Variants in MAP3K7CL observed in about 807,000 individuals in gnomAD.
MAP3K7CL encodes MAP3K7 C-terminal like, also known as MAP3K7 C-terminal-like protein.
In MAP3K7CL, 16 loss-of-function variants were observed where a neutral mutation model predicts 18.6. The observed-to-expected ratio is 0.86, with a 90% confidence interval of 0.58 to 1.31. MAP3K7CL has a LOEUF of 1.31. MAP3K7CL is among the 50% of genes most tolerant of loss of function. MAP3K7CL has a pLI of 0.00. For synonymous variants in MAP3K7CL, 65 were observed against 66.8 expected (o/e 0.97, Z 0.13); for missense variants, 163 against 174.4 (o/e 0.93, Z 0.37).
intron 4 of MAP3K7CL, among the ~76,000 whole-genome samples, chr21:29,112,796 C>A (rs1209671392): frequency 1.3e-5 from 2 of 152,076 alleles, no homozygotes; most frequent in Admixed American, 1.3e-4. Flanking sequence ...GCCTTTCCTC[C>A]CAGCAAACGA....
At chr21:29,125,530 C>T (rs1199530411) in intron 4 of MAP3K7CL, among the ~76,000 whole-genome samples, 1 of 152,172 alleles carries the variant, frequency 6.6e-6, no homozygotes, top group African/African-American at 2.4e-5. Flanking sequence ...AAGTGGCTCC[C>T]AGTTACCCTT....
chr21:29,161,937 A>G (rs1018094383), intron 4 of MAP3K7CL, among the ~76,000 whole-genome samples: 1 of 152,132 alleles, frequency 6.6e-6, no homozygotes, highest in African/African-American at 2.4e-5. Flanking sequence ...TTGTATCTAG[A>G]CTTTTGGCTA....
intron 4 of MAP3K7CL, among the ~76,000 whole-genome samples, chr21:29,121,055 GAT>G (rs59327000): frequency 8.3e-6 from 1 of 121,080 alleles, no homozygotes; most frequent in Non-Finnish European, 1.8e-5. Flanking sequence ...AACAGAGTCA[GAT>G]ATATATATAT....
upstream of MAP3K7CL, chr21:29,130,573 A>G (rs2086759942): frequency 2.0e-6 from 2 of 984,966 alleles, no homozygotes; most frequent in Non-Finnish European, 2.4e-6. Context: ...TGGACTCCCC[A>G]CAACTTGCTG....
upstream of MAP3K7CL, among the ~76,000 whole-genome samples, chr21:29,082,901 CTTAAA>C (rs145841813): frequency 0.012 from 1,874 of 151,948 alleles, 19 homozygotes; most frequent in Non-Finnish European, 0.018. Context: ...AGCAATATTA[CTTAAA>C]TTAAGGTGTC....
intron 4 of MAP3K7CL, among the ~76,000 whole-genome samples, chr21:29,101,030 T>A (rs1411430579): frequency 9.9e-5 from 15 of 151,260 alleles, no homozygotes; most frequent in African/African-American, 3.4e-4. Context: ...TTTTTTTTTT[T>A]AATTAGTCTG....
At chr21:29,139,563 A>G (rs1230848759) in intron 2 of MAP3K7CL, among the ~76,000 whole-genome samples, 1 of 152,106 alleles carries the variant, frequency 6.6e-6, no homozygotes, top group East Asian at 1.9e-4. Flanking sequence ...CTATAAATGA[A>G]TATTGAGTTT....
At position 29,117,701 on chromosome 21, in the gene MAP3K7CL, A is replaced by T. The variant is rs2086525392; in HGVS notation, c.370+25120A>T. On this transcript the variant is annotated intron_variant, in intron 4 of 6. Transcript: ENST00000286791. ...CTACTATTTTAGGATGTGATGGCTTAATTTGAAAAATGTTTTTATGAACAA... is the reference window on the plus strand; with the variant it reads ...CTACTATTTTAGGATGTGATGGCTTTATTTGAAAAATGTTTTTATGAACAA... 4.6e-5 allele frequency among the ~76,000 whole-genome samples: 7 copies of T among 152,366 alleles called. No homozygotes were observed. In the South Asian group the frequency reaches 1.2e-3, roughly 27 times the overall value.
chr21:29,150,506 A>G lies in MAP3K7CL; in HGVS notation c.132+1256A>G, dbSNP rs184859839. On this transcript the variant is annotated intron_variant, in intron 3 of 4. Transcript: ENST00000399928. ...CTCAACAGAGCATTATCAGTTATGT[A>G]GGTATTACTGAAAATTGTATAGGAG... 3.1e-4 allele frequency among the ~76,000 whole-genome samples: 47 copies of G among 152,258 alleles called. No individual in the cohort carries two copies. The Middle Eastern group carries it at 0.014, about 44-fold the overall frequency.
intron 4 of MAP3K7CL, among the ~76,000 whole-genome samples, chr21:29,125,531 A>C (rs1175671958): frequency 6.6e-6 from 1 of 152,220 alleles, no homozygotes; most frequent in Non-Finnish European, 1.5e-5. Context: ...AGTGGCTCCC[A>C]GTTACCCTTA....
chr21:29,142,540 C>T (rs1214015480), intron 2 of MAP3K7CL, among the ~76,000 whole-genome samples: 2 of 152,106 alleles, frequency 1.3e-5, no homozygotes, highest in Non-Finnish European at 2.9e-5. Context: ...GAATAATTCC[C>T]CACCTCAGAA....
intron 4 of MAP3K7CL, among the ~76,000 whole-genome samples, chr21:29,112,804 C>T (rs190588746): frequency 5.9e-5 from 9 of 152,104 alleles, no homozygotes; most frequent in South Asian, 4.2e-4. Context: ...TCCCAGCAAA[C>T]GAGACCTTTG....
Position 29,091,427 on chromosome 21 carries a change from T to C in MAP3K7CL, c.58-74T>C, listed in dbSNP as rs533140481. ...TCACAAAATGAGGTATAGCTCTTAA[T>C]AAAAGTCCTTCAATTTTATTTTCCT... On this transcript the variant is annotated intron_variant, in intron 1 of 6. Transcript: ENST00000286791. 3.4e-5 allele frequency: 21 copies of C among 617,440 alleles called. No homozygotes were observed. The African/African-American group carries it at 3.5e-4, about 10-fold the overall frequency. The allele number at this position is 617,440 out of a possible 1,614,324, so 38.2% of individuals were successfully genotyped here.
At chr21:29,168,591 C>T (rs146940622) in intron 4 of MAP3K7CL, among the ~76,000 whole-genome samples, 1,822 of 152,226 alleles carry the variant, frequency 0.012, 18 homozygotes, top group Middle Eastern at 0.051. Context: ...GTATTTTACA[C>T]CACATAATTA....
Position 29,098,940 on chromosome 21 carries a change from T to C in MAP3K7CL, c.370+6359T>C, listed in dbSNP as rs549009065. ...GTGAAGTTGAAGGTCTCTATTCTTT[T>C]AATTCTCAAAGATGCCAAAGTGGCA... On this transcript the variant is annotated intron_variant, in intron 4 of 6. Coordinates refer to the MAP3K7CL transcript ENST00000286791. Among the ~76,000 whole-genome samples the C allele has an allele frequency of 4.6e-5, 7 of 152,330 alleles. No homozygotes were observed. The East Asian group carries it at 1.3e-3, about 29-fold the overall frequency.
chr21:29,107,949 GT>G (rs1568939906), intron 4 of MAP3K7CL, among the ~76,000 whole-genome samples: 1 of 152,128 alleles, frequency 6.6e-6, no homozygotes, highest in African/African-American at 2.4e-5. Context: ...GTAAACTGAA[GT>G]TCAGAAATGT....
chr21:29,168,292 T>C (rs2087741582), intron 4 of MAP3K7CL, among the ~76,000 whole-genome samples: 1 of 152,148 alleles, frequency 6.6e-6, no homozygotes, highest in Admixed American at 6.5e-5. Context: ...GGGTAAGATA[T>C]GAGATTTGAG....
Position 29,123,048 on chromosome 21 carries a change from AAATGATCT to A in MAP3K7CL, c.371-26140_371-26133del, listed in dbSNP as rs776618663. On this transcript the variant is annotated intron_variant, in intron 4 of 6. Coordinates refer to the MAP3K7CL transcript ENST00000286791. Reference sequence around the variant, plus strand: ...CAAAATGAAGTCAATACTGGAGAAGAAATGATCTTTTTTTTTTTTTTTTTTTTTTTTGA... The same window carrying A: ...CAAAATGAAGTCAATACTGGAGAAGATTTTTTTTTTTTTTTTTTTTTTTGA... 3.4e-3 allele frequency among the ~76,000 whole-genome samples: 261 copies of A among 76,510 alleles called. 4 individuals are homozygous for A. The East Asian group carries it at 0.045, about 13-fold the overall frequency. 50.2% of individuals were successfully genotyped at this position (76,510 alleles called of 152,430 possible). A position where few individuals can be genotyped will look rare whatever the true frequency, so the allele number is the denominator to read the frequency against.
At chr21:29,102,308 G>A (rs1477387585) in intron 4 of MAP3K7CL, among the ~76,000 whole-genome samples, 3 of 152,254 alleles carry the variant, frequency 2.0e-5, no homozygotes, top group Non-Finnish European at 2.9e-5. Flanking sequence ...CAAAGAGGCC[G>A]TTCTTGGAAT....
Sources: allele counts gnomAD v4.1 joint callset (sites outside exome capture counted in the v4.1 genomes callset), GRCh38; gene constraint gnomAD v4.1.1; transcripts MANE v1.5; gene names NCBI Gene and HGNC (gene_info 2026-07-23, HGNC 2026-07-21).